Variants in PCDHA12 observed in about 807,000 individuals in gnomAD.
The protein encoded by PCDHA12 is protocadherin alpha 12, also known as protocadherin alpha-12.
Under a neutral mutation model 60.0 loss-of-function variants are expected in PCDHA12, and 44 were observed. The observed-to-expected ratio is 0.73, with a 90% CI of 0.58 to 0.94. PCDHA12 has a LOEUF of 0.94. PCDHA12 is among the 40% of genes least tolerant of loss of function. The pLI is 0.00. For missense variants in PCDHA12, 1,276 were observed against 1,239.7 expected, an observed-to-expected ratio of 1.03 and a Z score of -0.44; for synonymous variants, 569 against 553.0, an observed-to-expected ratio of 1.03 and a Z score of -0.40.
At chr5:140,972,132 A>C (rs1412850121) in intron 1 of PCDHA12, among the ~76,000 whole-genome samples, 9 of 152,062 alleles carry the variant, frequency 5.9e-5, no homozygotes, top group African/African-American at 2.2e-4. Context: ...TCAGTGAGTT[A>C]CTACTATTTT....
chr5:140,930,358 T>A (rs1253370170), intron 1 of PCDHA12: 1 of 152,216 alleles, frequency 6.6e-6, no homozygotes, highest in African/African-American at 2.4e-5. Context: ...AATATTTCAA[T>A]TTATCTGTTA....
intron 3 of PCDHA12, among the ~76,000 whole-genome samples, chr5:140,985,288 A>G (rs1007960248): frequency 1.3e-5 from 2 of 152,112 alleles, no homozygotes; most frequent in African/African-American, 4.8e-5. Flanking sequence ...AATCTATGAT[A>G]TAGTGTTGGC....
At position 141,012,023 on chromosome 5, in the gene PCDHA12, C is replaced by T. The variant is rs1174206729; in HGVS notation, c.*2086C>T. On this transcript the variant is annotated 3_prime_UTR_variant, in exon 4 of 4. Coordinates refer to ENST00000398631, the MANE Select transcript of PCDHA12 (RefSeq NM_018903.4). ...TATTTTGAAGGGTGTGTAACTTCAGCTCTGCAGGATTGCATGGGGTAAAAC... is the reference window on the plus strand; with the variant it reads ...TATTTTGAAGGGTGTGTAACTTCAGTTCTGCAGGATTGCATGGGGTAAAAC... The T allele has an allele frequency of 6.5e-6, 1 of 153,700 alleles. No individual in the cohort carries two copies. The highest frequency in any genetic ancestry group is 1.5e-5 in the Non-Finnish European group (1 of 68,026). The allele number at this position is 153,700 out of a possible 1,614,324, so 9.5% of individuals were successfully genotyped here.
intron 1 of PCDHA12, chr5:140,966,488 C>T: frequency 2.3e-6 from 1 of 440,248 alleles, no homozygotes; most frequent in Non-Finnish European, 3.9e-6. Flanking sequence ...TTTCCCTCCC[C>T]CTGGAGCTGT....
intron 1 of PCDHA12, among the ~76,000 whole-genome samples, chr5:140,933,949 G>A (rs184768008): frequency 6.6e-6 from 1 of 151,792 alleles, no homozygotes; most frequent in African/African-American, 2.4e-5. Flanking sequence ...CACATCTGCA[G>A]GATCTGTAGT....
chr5:141,006,067 A>G (rs1202024176), intron 3 of PCDHA12, among the ~76,000 whole-genome samples: 4 of 151,950 alleles, frequency 2.6e-5, no homozygotes, highest in Admixed American at 6.6e-5. Flanking sequence ...AGAAATAAAA[A>G]TCAGATTATT....
intron 1 of PCDHA12, chr5:140,928,975 T>C (rs2085693610): frequency 1.9e-6 from 3 of 1,613,806 alleles, no homozygotes; most frequent in African/African-American, 1.3e-5. Context: ...TTCCTTTTTA[T>C]TTCTGGGGTG....
chr5:140,962,036 A>G (rs761594563), intron 1 of PCDHA12, among the ~76,000 whole-genome samples: 10 of 151,802 alleles, frequency 6.6e-5, no homozygotes, highest in Non-Finnish European at 1.2e-4. Flanking sequence ...GGCACCCACC[A>G]CCATGCCTGG....
In PCDHA12 at chr5:140,941,202, C is replaced by CCCTTCTTTCTTTCTTTCTTT; in HGVS notation, c.2368-37746_2368-37745insCTTCTTTCTTTCTTTCTTTC. Among the ~76,000 whole-genome samples, 3 of 122,832 alleles carry CCCTTCTTTCTTTCTTTCTTT rather than the reference C, an allele frequency of 2.4e-5. No homozygotes were observed. The East Asian group carries it at 6.6e-4, about 27-fold the overall frequency. The allele number at this position is 122,832 out of a possible 152,430, so 80.6% of individuals were successfully genotyped here. A position where few individuals can be genotyped will look rare whatever the true frequency, so the allele number is the denominator to read the frequency against. On this transcript the variant is annotated intron_variant, in intron 1 of 3. Transcript: ENST00000398631. ...TCCTGCTTCTTTTTTTTTCTTTCTT[C>CCCTTCTTTCTTTCTTTCTTT]CTTTCTTTCTTCCTTTCTTTCTTTC...
chr5:140,886,217 T>C (rs548266069), intron 1 of PCDHA12, among the ~76,000 whole-genome samples: 3 of 152,240 alleles, frequency 2.0e-5, no homozygotes, highest in African/African-American at 7.2e-5. Flanking sequence ...TTTCTCTAAT[T>C]TTGTTACTTT....
At chr5:140,883,471 C>G (rs781812025) in intron 1 of PCDHA12, 4 of 1,614,182 alleles carry the variant, frequency 2.5e-6, no homozygotes, top group Non-Finnish European at 3.4e-6. Flanking sequence ...TGTCCACCTA[C>G]AAGAACTACT....
In PCDHA12 at chr5:141,011,633, G is replaced by A. The variant is rs988824031; in HGVS notation, c.*1696G>A. ...TTATGGTCCAGCCAAGAGCCATCTC[G>A]TGCCAAGACTTCTGCTGGCAAGGGA... is the stretch of plus-strand genomic sequence containing the variant. On this transcript the variant is annotated 3_prime_UTR_variant, in exon 4 of 4. Transcript: ENST00000398631. The A allele has an allele frequency of 6.5e-6, 1 of 153,624 alleles. No homozygotes were observed. Among genetic ancestry groups the A allele is most frequent in the Non-Finnish European group, 1.5e-5 (1 of 68,022 alleles). The allele number at this position is 153,624 out of a possible 1,614,324, so 9.5% of individuals were successfully genotyped here. A position where few individuals can be genotyped will look rare whatever the true frequency, so the allele number is the denominator to read the frequency against.
At chr5:140,905,092 CAGTCATGAA>C (rs1554191919) in intron 1 of PCDHA12, among the ~76,000 whole-genome samples, 5 of 152,092 alleles carry the variant, frequency 3.3e-5, no homozygotes, top group African/African-American at 1.2e-4. Flanking sequence ...TTTGGGTTCT[CAGTCATGAA>C]TTGTTTGCCT....
chr5:140,911,404 A>G (rs2075457175), intron 1 of PCDHA12, among the ~76,000 whole-genome samples: 1 of 152,174 alleles, frequency 6.6e-6, no homozygotes, highest in African/African-American at 2.4e-5. Flanking sequence ...CAGGTCAGCC[A>G]CTGGTATGAT....
At chr5:140,883,128 C>G (rs782352091) in intron 1 of PCDHA12, 1 of 1,614,060 alleles carries the variant, frequency 6.2e-7, no homozygotes, top group Non-Finnish European at 8.5e-7. Flanking sequence ...CCTGTATGGC[C>G]TGCAGTGGTA....
chr5:140,968,553 G>T (rs782583876), intron 1 of PCDHA12: 1 of 1,614,132 alleles, frequency 6.2e-7, no homozygotes. Context: ...ATGGTGCCTC[G>T]AACTGCCCCT....
At chr5:140,950,083 T>C (rs1361884165) in intron 1 of PCDHA12, among the ~76,000 whole-genome samples, 1 of 152,002 alleles carries the variant, frequency 6.6e-6, no homozygotes, top group Non-Finnish European at 1.5e-5. Context: ...GCTTATGCTA[T>C]AGTTTTCATT....
At chr5:140,942,467 A>C (rs1428565418) in intron 1 of PCDHA12, among the ~76,000 whole-genome samples, 1 of 152,142 alleles carries the variant, frequency 6.6e-6, no homozygotes, top group Non-Finnish European at 1.5e-5. Context: ...AATACAATCA[A>C]ATTCAAGCTA....
intron 1 of PCDHA12, among the ~76,000 whole-genome samples, chr5:140,916,135 T>TG (rs1178819787): frequency 6.6e-6 from 1 of 152,126 alleles, no homozygotes; most frequent in Non-Finnish European, 1.5e-5. Flanking sequence ...GCTTAAGGGC[T>TG]GTTCAGTTGT....
Sources: gnomAD v4.1 joint callset for allele counts (sites outside exome capture counted in the v4.1 genomes callset) on GRCh38, gnomAD v4.1.1 for gene constraint, MANE v1.5 for transcripts, NCBI Gene and HGNC (gene_info 2026-07-23, HGNC 2026-07-21) for gene names.